Variants in ZNF33B observed in about 807,000 individuals in gnomAD.
ZNF33B encodes the protein zinc finger protein 33B.
ZNF33B carries 29 observed loss-of-function variants against 45.8 expected under a neutral mutation model. That is an observed-to-expected ratio of 0.63 (90% confidence interval 0.47 to 0.86). ZNF33B has a LOEUF of 0.86. Ranked by LOEUF, ZNF33B falls within the 40% of genes least tolerant of loss-of-function variation. ZNF33B has a pLI of 0.00. For synonymous variants in ZNF33B, 305 were observed against 307.8 expected (o/e 0.99, Z 0.10); for missense variants, 831 against 909.9 (o/e 0.91, Z 1.12).
chr10:42,631,155 A>G, intron 4 of ZNF33B, among the ~76,000 whole-genome samples: 1 of 152,254 alleles, frequency 6.6e-6, no homozygotes, highest in Middle Eastern at 3.4e-3. Flanking sequence ...AATATACATA[A>G]ACATAAGTAT....
At chr10:42,615,769 C>CA (rs887766959) in intron 4 of ZNF33B, among the ~76,000 whole-genome samples, 24 of 151,584 alleles carry the variant, frequency 1.6e-4, no homozygotes, top group African/African-American at 5.1e-4. Context: ...ACTAAAAATA[C>CA]AAAAAATTAT....
intron 1 of ZNF33B, chr10:42,583,061 T>G: frequency 1.2e-6 from 1 of 834,326 alleles, no homozygotes; most frequent in Non-Finnish European, 2.1e-6. Flanking sequence ...CAGAGTCCTC[T>G]TCTTCCAGCA....
intron 4 of ZNF33B, among the ~76,000 whole-genome samples, chr10:42,602,352 G>C (rs1168643944): frequency 6.7e-6 from 1 of 150,220 alleles, no homozygotes; most frequent in Non-Finnish European, 1.5e-5. Context: ...TTAAGTTTTA[G>C]AACATATGGA....
At chr10:42,595,024 T>C (rs1221855316) in intron 4 of ZNF33B, among the ~76,000 whole-genome samples, 3 of 152,166 alleles carry the variant, frequency 2.0e-5, no homozygotes, top group Non-Finnish European at 4.4e-5. Flanking sequence ...CCCCAAGAAC[T>C]ATAAAGGTCA....
At chr10:42,602,502 T>G (rs1837671098) in intron 4 of ZNF33B, among the ~76,000 whole-genome samples, 1 of 152,208 alleles carries the variant, frequency 6.6e-6, no homozygotes, top group Non-Finnish European at 1.5e-5. Flanking sequence ...TGGAAATATT[T>G]CAATGGATGG....
chr10:42,604,372 G>C (rs1295330485), intron 4 of ZNF33B, among the ~76,000 whole-genome samples: 1 of 152,136 alleles, frequency 6.6e-6, no homozygotes, highest in Non-Finnish European at 1.5e-5. Flanking sequence ...TTGAACCTGG[G>C]AGGCAGAGGT....
chr10:42,593,845 T>C lies in ZNF33B; in HGVS notation c.1105A>G (p.Lys369Glu). The C allele has an allele frequency of 6.2e-7, 1 of 1,614,104 alleles. No homozygotes were observed. The highest frequency in any genetic ancestry group is 8.5e-7 in the Non-Finnish European group (1 of 1,179,970). The part of the protein sequence containing the change: ...CNQCGKTFWE[K>E]SNLTKHQRSH... Reference sequence around the variant, plus strand: ...CTCTGATGTTTAGTGAGGTTTGACTTCTCCCAGAAAGTTTTTCCACATTGA... The same window carrying C: ...CTCTGATGTTTAGTGAGGTTTGACTCCTCCCAGAAAGTTTTTCCACATTGA... Residue 369 changes from lysine to glutamate, a missense_variant, in exon 5 of 5, where the codon AAG (lysine) becomes GAG (glutamate). Lys to Glu is a moderately conservative substitution (Grantham distance 56). Transcript: ENST00000359467.
At chr10:42,634,389 T>C (rs1232312547) in intron 2 of ZNF33B, among the ~76,000 whole-genome samples, 2 of 144,110 alleles carry the variant, frequency 1.4e-5, no homozygotes, top group African/African-American at 4.9e-5. Flanking sequence ...CCTGGGCAAC[T>C]CTGTCTCAAA....
chr10:42,617,092 CTTTTTTTTTTTTT>C (rs199977911), intron 4 of ZNF33B, among the ~76,000 whole-genome samples: 6 of 61,206 alleles, frequency 9.8e-5, no homozygotes, highest in East Asian at 4.8e-4. Context: ...CATTTTTTCT[CTTTTTTTTTTTTT>C]TTTTTTTTTT....
At chr10:42,612,836 T>G (rs1391795397) in intron 4 of ZNF33B, among the ~76,000 whole-genome samples, 2 of 147,272 alleles carry the variant, frequency 1.4e-5, no homozygotes, top group Non-Finnish European at 2.9e-5. Context: ...AGTCTGATAA[T>G]TTATTTTCTT....
intron 1 of ZNF33B, chr10:42,583,292 C>T: frequency 2.1e-6 from 1 of 469,754 alleles, no homozygotes; most frequent in South Asian, 2.3e-5. Context: ...TGTCCTCCTT[C>T]AAGCTTTTCA....
At chr10:42,583,662 T>C (rs775025809) in intron 1 of ZNF33B, among the ~76,000 whole-genome samples, 28 of 152,128 alleles carry the variant, frequency 1.8e-4, no homozygotes, top group Non-Finnish European at 3.8e-4. Context: ...GTCTCCACTT[T>C]TGTGGGAAAA....
chr10:42,586,699 T>C (rs1338495127), downstream of ZNF33B, among the ~76,000 whole-genome samples: 1 of 152,232 alleles, frequency 6.6e-6, no homozygotes, highest in Admixed American at 6.5e-5. Context: ...TTAAGCAGCA[T>C]TGGGACCATG....
At chr10:42,617,243 A>C (rs1838366830) in intron 4 of ZNF33B, among the ~76,000 whole-genome samples, 1 of 151,258 alleles carries the variant, frequency 6.6e-6, no homozygotes, top group African/African-American at 2.4e-5. Flanking sequence ...AGCTGGGACC[A>C]CAGGCACGCA....
At chr10:42,608,094 A>G (rs1229764465) in intron 4 of ZNF33B, among the ~76,000 whole-genome samples, 1 of 152,174 alleles carries the variant, frequency 6.6e-6, no homozygotes, top group Non-Finnish European at 1.5e-5. Flanking sequence ...AAATTTTACT[A>G]AGGATAAAGA....
chr10:42,583,257 A>T, intron 1 of ZNF33B: 1 of 590,606 alleles, frequency 1.7e-6, no homozygotes, highest in East Asian at 3.2e-5. Flanking sequence ...GACAAAAGTG[A>T]TGCCATCACT....
chr10:42,601,464 GCTT>G (rs1258078671), intron 4 of ZNF33B, among the ~76,000 whole-genome samples: 28 of 145,454 alleles, frequency 1.9e-4, no homozygotes, highest in Non-Finnish European at 3.6e-4. Context: ...GCTCACATGG[GCTT>G]GTTTTTTTTT....
At chr10:42,630,269 CT>C (rs1838991186) in intron 4 of ZNF33B, among the ~76,000 whole-genome samples, 2 of 152,146 alleles carry the variant, frequency 1.3e-5, no homozygotes, top group South Asian at 4.1e-4. Context: ...TTTAATAGTG[CT>C]TTCCCCTCAG....
At position 42,624,288 on chromosome 10, in the gene ZNF33B, A is replaced by G. The variant is rs142991829; in HGVS notation, c.250+7641T>C. On this transcript the variant is annotated intron_variant, in intron 4 of 4. Coordinates refer to ENST00000359467, the MANE Select transcript of ZNF33B (RefSeq NM_006955.3). ...GCTCCAACATATGAATTTTGGGGAG[A>G]CATGAACATACAGTCTATAACAGCA... is the stretch of plus-strand genomic sequence containing the variant. Among the ~76,000 whole-genome samples the G allele has an allele frequency of 4.2e-4, 64 of 152,306 alleles. No individual in the cohort carries two copies. The East Asian group carries it at 0.011, about 27-fold the overall frequency.
Sources: gnomAD v4.1 joint callset for allele counts (sites outside exome capture counted in the v4.1 genomes callset) on GRCh38, gnomAD v4.1.1 for gene constraint, MANE v1.5 for transcripts, NCBI Gene and HGNC (gene_info 2026-07-23, HGNC 2026-07-21) for gene names.